PARD3: variants seen among roughly 807,000 people sequenced by gnomAD.
PARD3 encodes the protein partitioning defective 3 homolog.
A neutral mutation model predicts 155.4 loss-of-function variants in PARD3; 75 were observed. The observed-to-expected ratio is 0.48, with a 90% CI of 0.40 to 0.58. PARD3 has a LOEUF of 0.58. PARD3 is among the 20% of genes least tolerant of loss of function. The pLI is 0.00. For missense variants in PARD3, 1,642 were observed against 1,721.7 expected (o/e 0.95, Z 0.82); for synonymous variants, 576 against 610.5 (o/e 0.94, Z 0.83).
At chr10:34,646,904 T>C (rs558134376) in intron 2 of PARD3, among the ~76,000 whole-genome samples, 8 of 152,322 alleles carry the variant, frequency 5.3e-5, no homozygotes, top group Admixed American at 4.6e-4. Context: ...TGCCCAGGCT[T>C]GCATGCACTT....
At chr10:34,330,652 T>C (rs1406506835) in intron 19 of PARD3, among the ~76,000 whole-genome samples, 2 of 152,160 alleles carry the variant, frequency 1.3e-5, no homozygotes, top group East Asian at 1.9e-4. Flanking sequence ...CAAATAACTT[T>C]TTTATATGTG....
At chr10:34,761,439 T>C (rs1285288371) in intron 1 of PARD3, among the ~76,000 whole-genome samples, 1 of 152,154 alleles carries the variant, frequency 6.6e-6, no homozygotes, top group East Asian at 1.9e-4. Context: ...ATTTGGATTA[T>C]CTTTCAAACA....
chr10:34,169,349 GT>G (rs1321881001), intron 22 of PARD3, among the ~76,000 whole-genome samples: 1 of 152,214 alleles, frequency 6.6e-6, no homozygotes, highest in Non-Finnish European at 1.5e-5. Context: ...ACAGAAAATA[GT>G]TTGGGAGAAG....
intron 1 of PARD3, among the ~76,000 whole-genome samples, chr10:34,707,930 G>A (rs2094391089): frequency 6.6e-6 from 1 of 152,136 alleles, no homozygotes; most frequent in Admixed American, 6.5e-5. Context: ...AGCCTGCCAG[G>A]AAATTTTTAT....
intron 4 of PARD3, among the ~76,000 whole-genome samples, chr10:34,467,556 T>C (rs1304526423): frequency 6.6e-6 from 1 of 151,802 alleles, no homozygotes; most frequent in East Asian, 1.9e-4. Context: ...GAGACTGGCC[T>C]GGGCAACACA....
At chr10:34,671,062 A>G (rs868262926) in intron 2 of PARD3, among the ~76,000 whole-genome samples, 1 of 152,242 alleles carries the variant, frequency 6.6e-6, no homozygotes, top group South Asian at 2.1e-4. Flanking sequence ...GCACCTGTCA[A>G]TGGCTGCTCT....
At chr10:34,377,521 T>A (rs1841372465) in intron 10 of PARD3, among the ~76,000 whole-genome samples, 1 of 151,958 alleles carries the variant, frequency 6.6e-6, no homozygotes, top group South Asian at 2.1e-4. Context: ...ACCCAGAAGG[T>A]GGAGGCTGCA....
intron 2 of PARD3, among the ~76,000 whole-genome samples, chr10:34,690,188 C>T (rs1167435714): frequency 6.6e-6 from 1 of 152,182 alleles, no homozygotes; most frequent in East Asian, 1.9e-4. Flanking sequence ...AAGTGATCTG[C>T]CCACCTCAGC....
chr10:34,763,138 G>A (rs1049453674), intron 1 of PARD3, among the ~76,000 whole-genome samples: 3 of 152,254 alleles, frequency 2.0e-5, no homozygotes, highest in Admixed American at 2.0e-4. Flanking sequence ...AGTGGCGGAG[G>A]TCAAGGACCT....
intron 1 of PARD3, among the ~76,000 whole-genome samples, chr10:34,699,867 C>T (rs2094241823): frequency 1.3e-5 from 2 of 152,034 alleles, no homozygotes; most frequent in Middle Eastern, 3.4e-3. Context: ...AGAGTGAGGC[C>T]CCGTCTCTTA....
At chr10:34,166,527 G>T (rs1209567911) in intron 22 of PARD3, among the ~76,000 whole-genome samples, 2 of 151,954 alleles carry the variant, frequency 1.3e-5, no homozygotes, top group Non-Finnish European at 2.9e-5. Context: ...CTAAGGCGGG[G>T]GCAGGCAGGC....
chr10:34,385,203 G>T (rs1842231039), intron 7 of PARD3, among the ~76,000 whole-genome samples: 1 of 152,084 alleles, frequency 6.6e-6, no homozygotes, highest in Non-Finnish European at 1.5e-5. Context: ...GCATGATCTT[G>T]GTTCATTGCA....
chr10:34,793,364 C>T (rs971729906), intron 1 of PARD3, among the ~76,000 whole-genome samples: 1 of 151,968 alleles, frequency 6.6e-6, no homozygotes, highest in Non-Finnish European at 1.5e-5. Context: ...GGGGTCGTGG[C>T]GGTAAAGAGA....
chr10:34,217,004 TA>T (rs1952033260), intron 22 of PARD3, among the ~76,000 whole-genome samples: 1 of 152,238 alleles, frequency 6.6e-6, no homozygotes, highest in African/African-American at 2.4e-5. Context: ...TTAACTATAT[TA>T]GACAAATGAC....
chr10:34,512,103 T>C (rs2081434267), intron 3 of PARD3, among the ~76,000 whole-genome samples: 1 of 152,200 alleles, frequency 6.6e-6, no homozygotes, highest in Non-Finnish European at 1.5e-5. Flanking sequence ...CAATGATCAG[T>C]ACCTAGATCC....
chr10:34,587,011 C>A (rs2088129736), intron 2 of PARD3, among the ~76,000 whole-genome samples: 1 of 152,204 alleles, frequency 6.6e-6, no homozygotes. Flanking sequence ...CTAGTCCAGT[C>A]AACTGGGACC....
At chr10:34,427,469 G>T (rs1332485675) in intron 5 of PARD3, among the ~76,000 whole-genome samples, 9 of 152,144 alleles carry the variant, frequency 5.9e-5, no homozygotes, top group Admixed American at 5.2e-4. Flanking sequence ...AGTCAGACCG[G>T]TTCTCTGCTC....
intron 4 of PARD3, among the ~76,000 whole-genome samples, chr10:34,463,619 G>A (rs1045546626): frequency 6.6e-6 from 1 of 151,894 alleles, no homozygotes; most frequent in Non-Finnish European, 1.5e-5. Context: ...AGTATGAGAG[G>A]AAGTGAAATG....
At chr10:34,500,235 G>A (rs138784063) in intron 3 of PARD3, among the ~76,000 whole-genome samples, 1 of 152,308 alleles carries the variant, frequency 6.6e-6, no homozygotes, top group African/African-American at 2.4e-5. Context: ...CAGAATGTAG[G>A]ACACACATAA....
Sources: gnomAD v4.1 joint callset for allele counts (sites outside exome capture counted in the v4.1 genomes callset) on GRCh38, gnomAD v4.1.1 for gene constraint, MANE v1.5 for transcripts, NCBI Gene and HGNC (gene_info 2026-07-23, HGNC 2026-07-21) for gene names.